Variants in SYCE2 observed in about 807,000 individuals in gnomAD.
SYCE2 encodes the protein central element synaptonemal complex 1.
In SYCE2, 3 loss-of-function variants were observed where a neutral mutation model predicts 27.9. The ratio of observed to expected loss-of-function variants is 0.11; its 90% confidence interval spans 0.05 to 0.28. The LOEUF (loss-of-function observed/expected upper bound fraction) is 0.28, where lower values mean the gene tolerates loss of function less well. Ranked by LOEUF, SYCE2 falls within the 10% of genes least tolerant of loss-of-function variation. The probability of loss-of-function intolerance (pLI) is 1.00; values close to 1 mark genes in which losing one functional copy is unlikely to be tolerated. For synonymous variants in SYCE2, 85 were observed against 100.7 expected (o/e 0.84, Z 0.93); for missense variants, 207 against 263.5 (o/e 0.79, Z 1.48).
intron 2 of SYCE2, among the ~76,000 whole-genome samples, chr19:12,911,724 T>C (rs1233568541): frequency 1.3e-5 from 2 of 150,692 alleles, no homozygotes; most frequent in Admixed American, 1.3e-4. Context: ...TTCAAGTGAT[T>C]TTCCCATCTC....
At chr19:12,902,165 G>T (rs1247988789) in intron 3 of SYCE2, among the ~76,000 whole-genome samples, 1 of 152,064 alleles carries the variant, frequency 6.6e-6, no homozygotes, top group Non-Finnish European at 1.5e-5. Flanking sequence ...GCTCTTCCAC[G>T]TAGCCTAGGT....
At chr19:12,903,739 C>T (rs553874174) in intron 3 of SYCE2, among the ~76,000 whole-genome samples, 1 of 151,580 alleles carries the variant, frequency 6.6e-6, no homozygotes, top group South Asian at 2.1e-4. Context: ...GCTGCAGTGC[C>T]GTGCAGAGCC....
chr19:12,917,373 C>CT (rs1400698369), intron 2 of SYCE2, among the ~76,000 whole-genome samples: 2 of 150,014 alleles, frequency 1.3e-5, no homozygotes, highest in Admixed American at 1.3e-4. Flanking sequence ...TTTCTTTTTT[C>CT]TTTTTTTTGA....
intron 2 of SYCE2, among the ~76,000 whole-genome samples, chr19:12,917,715 A>C (rs1971162568): frequency 8.0e-6 from 1 of 124,606 alleles, no homozygotes; most frequent in Non-Finnish European, 1.6e-5. Context: ...GCTGGAGTGC[A>C]ATGGCGCCAT....
At chr19:12,902,670 CG>C (rs1407364945) in intron 3 of SYCE2, among the ~76,000 whole-genome samples, 2 of 151,786 alleles carry the variant, frequency 1.3e-5, no homozygotes, top group Admixed American at 1.3e-4. Context: ...ACAAGTGAGC[CG>C]GGCATGATGT....
At chr19:12,899,849 C>T in intron 5 of SYCE2, 155 bp downstream of exon 5, 2 of 1,577,290 alleles carry the variant, frequency 1.3e-6, no homozygotes, top group Non-Finnish European at 1.7e-6. Context: ...CCGTCTGCTG[C>T]AGCTGACCCC....
At chr19:12,911,059 T>G (rs1186962221) in intron 2 of SYCE2, among the ~76,000 whole-genome samples, 1 of 151,896 alleles carries the variant, frequency 6.6e-6, no homozygotes, top group East Asian at 1.9e-4. Context: ...AACTTTGAAC[T>G]CCCCCAGGCT....
chr19:12,915,367 G>A (rs541114064), intron 2 of SYCE2, among the ~76,000 whole-genome samples: 39 of 152,214 alleles, frequency 2.6e-4, no homozygotes, highest in Middle Eastern at 3.4e-3. Context: ...TTGGGAGGCC[G>A]AGGCGGGCGG....
rs533186180 is a variant in SYCE2, at chr19:12,899,803, A to AGGG, written c.612+200_612+201insCCC. ...CAGACTCCATTTACCCTGAAATAGC[A>AGGG]GCTTCTCTTGAGAGGAGAGTGACAT... On this transcript the variant is annotated intron_variant, in intron 5 of 5. Coordinates refer to ENST00000293695, the MANE Select transcript of SYCE2 (RefSeq NM_001105578.2). The AGGG allele has an allele frequency of 1.3e-5, 20 of 1,585,670 alleles. No homozygotes were observed. In the South Asian group the frequency reaches 2.2e-4, roughly 18 times the overall value.
chr19:12,899,680 T>G, intron 5 of SYCE2: 1 of 1,612,304 alleles, frequency 6.2e-7, no homozygotes, highest in African/African-American at 1.3e-5. Context: ...TTTTTAAATA[T>G]CAAAATTTCC....
intron 2 of SYCE2, among the ~76,000 whole-genome samples, chr19:12,917,659 CT>C (rs71168635): frequency 6.0e-4 from 48 of 79,402 alleles, no homozygotes; most frequent in Admixed American, 7.9e-4. Context: ...CCATTCCTGG[CT>C]TTTTTTTTTT....
At chr19:12,901,208 A>G (rs1970831317) in intron 3 of SYCE2, among the ~76,000 whole-genome samples, 1 of 150,838 alleles carries the variant, frequency 6.6e-6, no homozygotes, top group South Asian at 2.1e-4. Context: ...AAATAAATAA[A>G]TACACAAATA....
Position 12,899,133 on chromosome 19 carries a change from A to G in SYCE2, c.*208T>C. 1 of 591,730 alleles carries G rather than the reference A, an allele frequency of 1.7e-6. No individual in the cohort carries two copies. Among genetic ancestry groups the G allele is most frequent in the Non-Finnish European group, 3.0e-6 (1 of 332,910 alleles). The allele number at this position is 591,730 out of a possible 1,614,324, so 36.7% of individuals were successfully genotyped here. A position where few individuals can be genotyped will look rare whatever the true frequency, so the allele number is the denominator to read the frequency against. On this transcript the variant is annotated 3_prime_UTR_variant, in exon 6 of 6. Transcript: ENST00000293695. ...GGGCTGGGGGTGGGGAGAACTTGCC[A>G]AGGGTGGGGAGCACGAAGCCTGGGC...
chr19:12,916,212 G>A (rs909119144), intron 2 of SYCE2, among the ~76,000 whole-genome samples: 1 of 151,984 alleles, frequency 6.6e-6, no homozygotes, highest in Admixed American at 6.6e-5. Context: ...TGGGATTAAA[G>A]GCATGCGCCA....
chr19:12,900,033 C>T lies in SYCE2; in HGVS notation c.583G>A (p.Val195Ile), dbSNP rs776665629. The T allele has an allele frequency of 1.9e-5, 31 of 1,613,542 alleles. No individual in the cohort carries two copies. The highest frequency in any genetic ancestry group is 9.9e-5 in the South Asian group (9 of 91,056). Residue 195 changes from valine to isoleucine, a missense_variant, in exon 5 of 6, where the codon GTT (valine) becomes ATT (isoleucine). Physicochemically the swap from Val to Ile is conservative, Grantham distance 29 (BLOSUM62 3). Transcript: ENST00000293695. Reference sequence around the variant, plus strand: ...GAAGTAGTTTCAGCCACAGAAGAAACGAACACGTCTGGGGGCTGTGAGTTG... The same window carrying T: ...GAAGTAGTTTCAGCCACAGAAGAAATGAACACGTCTGGGGGCTGTGAGTTG... ...PGNSQPPDVFVSSVAETTSQA... is the reference protein window; with the variant it reads ...PGNSQPPDVFISSVAETTSQA...
chr19:12,899,480 T>G, intron 5 of SYCE2, 95 bp from the exon 6 acceptor site: 1 of 1,614,168 alleles, frequency 6.2e-7, no homozygotes, highest in Non-Finnish European at 8.5e-7. Context: ...ACACATGACA[T>G]TCACGCCCTG....
At chr19:12,901,079 G>T (rs1454831480) in intron 3 of SYCE2, among the ~76,000 whole-genome samples, 1 of 152,128 alleles carries the variant, frequency 6.6e-6, no homozygotes, top group East Asian at 1.9e-4. Flanking sequence ...TGAGGCAGGA[G>T]AATGGCGTGA....
At chr19:12,904,700 C>A in intron 2 of SYCE2, 34 bp from the exon 3 acceptor site, 1 of 1,611,136 alleles carries the variant, frequency 6.2e-7, no homozygotes. Flanking sequence ...AGAAACCTGA[C>A]TTCTCAGAGT....
At chr19:12,912,103 A>C (rs1224632301) in intron 2 of SYCE2, among the ~76,000 whole-genome samples, 1 of 150,210 alleles carries the variant, frequency 6.7e-6, no homozygotes, top group Non-Finnish European at 1.5e-5. Context: ...GCACCCAGCT[A>C]ACTTTTGTAT....
Sources: allele counts gnomAD v4.1 joint callset (sites outside exome capture counted in the v4.1 genomes callset), GRCh38; gene constraint gnomAD v4.1.1; transcripts MANE v1.5; gene names NCBI Gene and HGNC (gene_info 2026-07-23, HGNC 2026-07-21).